Variants in TRPM3 observed in about 807,000 individuals in gnomAD.
TRPM3 encodes the protein transient receptor potential cation channel subfamily M member 3, also known as long transient receptor potential channel 3.
TRPM3 carries 77 observed loss-of-function variants against 181.2 expected under a neutral mutation model. The observed-to-expected ratio is 0.42, with a 90% CI of 0.35 to 0.51. The LOEUF is 0.51. Among genes scored for constraint, TRPM3 ranks in the 20% least tolerant of loss-of-function variants. The probability of loss-of-function intolerance (pLI) is 0.01; values close to 1 mark genes in which losing one functional copy is unlikely to be tolerated. For synonymous variants in TRPM3, 745 were observed against 796.4 expected (o/e 0.94, Z 1.09); for missense variants, 1,759 against 2,196.7 (o/e 0.80, Z 3.98).
intron 1 of TRPM3, among the ~76,000 whole-genome samples, chr9:71,117,628 G>A (rs1028147832): frequency 6.6e-6 from 1 of 151,998 alleles, no homozygotes; most frequent in Non-Finnish European, 1.5e-5. Flanking sequence ...CACACAGCTG[G>A]TTAGGAACAC....
At chr9:71,384,899 C>G (rs986716533) in intron 1 of TRPM3, among the ~76,000 whole-genome samples, 1 of 152,072 alleles carries the variant, frequency 6.6e-6, no homozygotes, top group Non-Finnish European at 1.5e-5. Flanking sequence ...GGCATTCATT[C>G]TTCAGTTAAT....
Position 71,344,248 on chromosome 9 carries a change from G to A in TRPM3, c.183+102405C>T, listed in dbSNP as rs144042883. On this transcript the variant is annotated intron_variant, in intron 1 of 24. Coordinates refer to the TRPM3 transcript ENST00000357533. ...ATAGATTACCTGAGGTCAAGAGTTC[G>A]AGACCAGCCTGGCCAAAATGGCGAA... Among the ~76,000 whole-genome samples the A allele has an allele frequency of 1.0e-3, 157 of 152,172 alleles. 1 individual carries two copies. The highest frequency in any genetic ancestry group is 6.8e-3 in the South Asian group (33 of 4,818).
chr9:70,938,496 T>TA (rs2096851895), intron 1 of TRPM3, among the ~76,000 whole-genome samples: 1 of 152,184 alleles, frequency 6.6e-6, no homozygotes, highest in East Asian at 1.9e-4. Context: ...TCTCTCCGCT[T>TA]ATTCTTTCTC....
chr9:71,243,617 A>T (rs879306201), intron 1 of TRPM3, among the ~76,000 whole-genome samples: 1 of 152,224 alleles, frequency 6.6e-6, no homozygotes, highest in Non-Finnish European at 1.5e-5. Context: ...AGTACTCAAT[A>T]AATATATTTT....
chr9:70,868,059 A>G (rs760827031), intron 1 of TRPM3, among the ~76,000 whole-genome samples: 45 of 152,212 alleles, frequency 3.0e-4, no homozygotes, highest in Non-Finnish European at 5.7e-4. Flanking sequence ...TTTAACAGAC[A>G]TCATGTCTTA....
At chr9:70,672,246 G>A (rs1459070465) in intron 9 of TRPM3, among the ~76,000 whole-genome samples, 1 of 152,078 alleles carries the variant, frequency 6.6e-6, no homozygotes. Context: ...TCAGGGATGG[G>A]CATGGATCCA....
In TRPM3 at chr9:70,536,670, A is replaced by G; in HGVS notation, c.4443T>C (p.Thr1481=). 6.2e-7 allele frequency: 1 copy of G among 1,614,060 alleles called. No individual in the cohort carries two copies. Among genetic ancestry groups the G allele is most frequent in the Non-Finnish European group, 8.5e-7 (1 of 1,180,004 alleles). Residue 1481 remains threonine, a synonymous_variant, in exon 26 of 26, where the codon ACT becomes ACC. Coordinates refer to ENST00000677713, the MANE Select transcript of TRPM3 (RefSeq NM_001366145.2). ...GGGTGTAGTCTGAAGAAAAAGATCT[A>G]GTGTCCATGGAGGTGATGTCCTCAA... ...IDFEDITSMD[T]RSFSSDYTHL...
intron 1 of TRPM3, among the ~76,000 whole-genome samples, chr9:71,345,606 G>C (rs973870694): frequency 2.0e-5 from 3 of 151,956 alleles, no homozygotes; most frequent in Non-Finnish European, 4.4e-5. Flanking sequence ...GGGGGCAAGG[G>C]GAAGGAGAGC....
chr9:70,650,369 A>G (rs1372819212), intron 9 of TRPM3, among the ~76,000 whole-genome samples: 1 of 152,128 alleles, frequency 6.6e-6, no homozygotes, highest in Non-Finnish European at 1.5e-5. Context: ...CCCCTCATAA[A>G]AGACTTGGTC....
At chr9:70,617,672 A>T (rs2062995544) in intron 17 of TRPM3, among the ~76,000 whole-genome samples, 1 of 152,144 alleles carries the variant, frequency 6.6e-6, no homozygotes. Flanking sequence ...ATATCAAAAC[A>T]TCATGTTGTG....
rs560415626 is a variant in TRPM3, at chr9:71,434,114, A to T, written c.183+12539T>A. Among the ~76,000 whole-genome samples the T allele has an allele frequency of 5.3e-5, 8 of 152,258 alleles. No homozygotes were observed. The East Asian group carries it at 1.5e-3, about 29-fold the overall frequency. ...GTGGAGGCTGCAGTGAGCCGAGATC[A>T]TTCCATTGCACTCCAGCCTGGGTGA... On this transcript the variant is annotated intron_variant, in intron 1 of 24. Transcript: ENST00000357533.
At chr9:71,022,725 A>G (rs572338565) in intron 1 of TRPM3, among the ~76,000 whole-genome samples, 2 of 152,244 alleles carry the variant, frequency 1.3e-5, no homozygotes, top group African/African-American at 2.4e-5. Context: ...ATAATATGGT[A>G]CAGCATAATA....
intron 1 of TRPM3, among the ~76,000 whole-genome samples, chr9:71,058,473 A>G (rs1037108848): frequency 2.0e-5 from 3 of 152,098 alleles, no homozygotes; most frequent in Non-Finnish European, 1.5e-5. Context: ...GACAGTGGAC[A>G]GATTTCAGAA....
intron 1 of TRPM3, among the ~76,000 whole-genome samples, chr9:71,232,145 A>T (rs1261296906): frequency 1.3e-5 from 2 of 152,122 alleles, no homozygotes; most frequent in East Asian, 3.9e-4. Flanking sequence ...GTTGATATCA[A>T]ATGGGCAGGT....
chr9:71,229,644 C>A (rs1358548198), intron 1 of TRPM3, among the ~76,000 whole-genome samples: 1 of 152,128 alleles, frequency 6.6e-6, no homozygotes, highest in African/African-American at 2.4e-5. Flanking sequence ...ATAGATATTT[C>A]TCAAAAGAAG....
intron 1 of TRPM3, among the ~76,000 whole-genome samples, chr9:71,169,522 CA>C (rs2076732903): frequency 2.0e-5 from 3 of 152,300 alleles, no homozygotes; most frequent in Middle Eastern, 6.8e-3. Context: ...ACCAAAAAAA[CA>C]TATTTCGAGG....
intron 1 of TRPM3, among the ~76,000 whole-genome samples, chr9:71,076,348 C>T (rs559940883): frequency 6.6e-6 from 1 of 152,132 alleles, no homozygotes; most frequent in South Asian, 2.1e-4. Context: ...GTAATAAAAA[C>T]CATGAACTAA....
At chr9:70,781,326 TAAA>T (rs35173071) in intron 7 of TRPM3, among the ~76,000 whole-genome samples, 25,094 of 105,928 alleles carry the variant, frequency 0.24, 2,379 homozygotes, top group East Asian at 0.38. Flanking sequence ...TTCCATTTCA[TAAA>T]AAAAAAAAAA....
chr9:70,821,812 C>A (rs543253357), intron 6 of TRPM3, among the ~76,000 whole-genome samples: 1 of 152,314 alleles, frequency 6.6e-6, no homozygotes, highest in Non-Finnish European at 1.5e-5. Context: ...GCTTCTCCAT[C>A]TCTCTTTCCT....
Sources: allele counts gnomAD v4.1 joint callset (sites outside exome capture counted in the v4.1 genomes callset), GRCh38; gene constraint gnomAD v4.1.1; transcripts MANE v1.5; gene names NCBI Gene and HGNC (gene_info 2026-07-23, HGNC 2026-07-21).